Variants in EHMT2 observed in about 807,000 individuals in gnomAD.
The protein encoded by EHMT2 is euchromatic histone lysine methyltransferase 2.
EHMT2 carries 59 observed loss-of-function variants against 143.3 expected under a neutral mutation model. The observed-to-expected ratio is 0.41, with a 90% CI of 0.33 to 0.51. The LOEUF is 0.51. Among genes scored for constraint, EHMT2 ranks in the 20% least tolerant of loss-of-function variants. EHMT2 has a pLI of 0.18. For missense variants in EHMT2, 1,174 were observed against 1,645.9 expected (o/e 0.71, Z 4.96); for synonymous variants, 604 against 651.5 (o/e 0.93, Z 1.11).
chr6:31,897,328 C>G, intron 1 of EHMT2: 1 of 507,812 alleles, frequency 2.0e-6, no homozygotes, highest in East Asian at 3.6e-5. Flanking sequence ...CGGGCACCAA[C>G]CCCTCCAGCA....
Position 31,884,835 on chromosome 6 carries a change from C to T in EHMT2, c.2449-36G>A, listed in dbSNP as rs778766485. ...AGGAGGGGAACAGATGAGGTGCAGG[C>T]AGCTGGGCCCTTGAATCCAGCCTCC... On this transcript the variant is annotated intron_variant, in intron 19 of 27. Coordinates refer to ENST00000375537, the Ensembl canonical transcript of EHMT2. The surrounding 1 kb of genome is among the most constrained non-coding windows in gnomAD (Gnocchi z 7.3). 5 of 1,579,066 alleles carry T rather than the reference C, an allele frequency of 3.2e-6. No individual in the cohort carries two copies. Among genetic ancestry groups the T allele is most frequent in the Non-Finnish European group, 4.3e-6 (5 of 1,157,238 alleles).
At chr6:31,894,766 C>T (rs1766147734) in intron 4 of EHMT2, among the ~76,000 whole-genome samples, 1 of 152,036 alleles carries the variant, frequency 6.6e-6, no homozygotes, top group African/African-American at 2.4e-5. Context: ...CTCAGCCTCT[C>T]GACTAGCTGG....
chr6:31,883,648 G>T lies in EHMT2; in HGVS notation c.2916+158C>A. 1.7e-6 allele frequency: 2 copies of T among 1,178,710 alleles called. No individual in the cohort carries two copies. Among genetic ancestry groups the T allele is most frequent in the Non-Finnish European group, 2.4e-6 (2 of 820,690 alleles). The allele number at this position is 1,178,710 out of a possible 1,614,324, so 73.0% of individuals were successfully genotyped here. A position where few individuals can be genotyped will look rare whatever the true frequency, so the allele number is the denominator to read the frequency against. On this transcript the variant is annotated intron_variant, in intron 22 of 27. Coordinates refer to ENST00000375537, the Ensembl canonical transcript of EHMT2. This position sits in a 1 kb window ranked among gnomAD's most constrained non-coding sequence, Gnocchi z 5.6. Reference sequence around the variant, plus strand: ...CATATGATACCTTGCTGTGACCTAGGAAAAGGATCCCTCCCCTGGTGGGGA... The same window carrying T: ...CATATGATACCTTGCTGTGACCTAGTAAAAGGATCCCTCCCCTGGTGGGGA...
chr6:31,894,352 C>A (rs1379040519), intron 4 of EHMT2, among the ~76,000 whole-genome samples: 1 of 152,124 alleles, frequency 6.6e-6, no homozygotes, highest in Non-Finnish European at 1.5e-5. Context: ...TCACCATGTT[C>A]GTCCGGCTGG....
exon 3 of EHMT2, chr6:31,896,756 C>G (rs999024309): frequency 4.3e-6 from 7 of 1,612,926 alleles, no homozygotes; most frequent in African/African-American, 1.3e-5. Flanking sequence ...CCAGCAGGCT[C>G]CAGGGAGTCG....
chr6:31,895,433 G>A (rs1054049343), intron 4 of EHMT2: 2 of 149,722 alleles, frequency 1.3e-5, no homozygotes, highest in South Asian at 2.1e-4. Context: ...TAACTCCTAC[G>A]CAGTGTGCCC....
chr6:31,884,220 T>C lies in EHMT2; in HGVS notation c.2771+172A>G. 1.2e-6 allele frequency: 1 copy of C among 800,382 alleles called. No homozygotes were observed. The highest frequency in any genetic ancestry group is 1.9e-6 in the Non-Finnish European group (1 of 522,014). 49.6% of individuals were successfully genotyped at this position (800,382 alleles called of 1,614,324 possible). A position where few individuals can be genotyped will look rare whatever the true frequency, so the allele number is the denominator to read the frequency against. ...TCCAGTTTAACTGGGTGTCTTCTAT[T>C]TTTATTTGCTGTATCTGGCAACCCT... On this transcript the variant is annotated intron_variant, in intron 21 of 27. Coordinates refer to ENST00000375537, the Ensembl canonical transcript of EHMT2. The surrounding 1 kb of genome is among the most constrained non-coding windows in gnomAD (Gnocchi z 7.3).
Position 31,880,078 on chromosome 6 carries a change from C to T in EHMT2, c.*6G>A. Reference sequence around the variant, plus strand: ...CCATGCTGGGGAGAGAGGGTGTGGTCCGTTCTCATGTGTTGACAGGGGGCA... The same window carrying T: ...CCATGCTGGGGAGAGAGGGTGTGGTTCGTTCTCATGTGTTGACAGGGGGCA... On this transcript the variant is annotated 3_prime_UTR_variant, in exon 28 of 28. Transcript: ENST00000375537. The surrounding 1 kb of genome is among the most constrained non-coding windows in gnomAD (Gnocchi z 6.6). 5.0e-6 allele frequency: 8 copies of T among 1,611,052 alleles called. No homozygotes were observed. Among genetic ancestry groups the T allele is most frequent in the Non-Finnish European group, 6.8e-6 (8 of 1,179,156 alleles).
chr6:31,889,397 A>C lies in EHMT2; in HGVS notation c.1000-55T>G. The C allele has an allele frequency of 3.1e-6, 5 of 1,608,640 alleles. No homozygotes were observed. Among genetic ancestry groups the C allele is most frequent in the Non-Finnish European group, 3.4e-6 (4 of 1,177,990 alleles). On this transcript the variant is annotated intron_variant, in intron 8 of 27. Coordinates refer to ENST00000375537, the Ensembl canonical transcript of EHMT2. This position sits in a 1 kb window ranked among gnomAD's most constrained non-coding sequence, Gnocchi z 5.1. ...ACCCTCACCCCCAGGGGCCCCCCCA[A>C]CACCTTCAGGACCAGACCTCCAGCC...
chr6:31,887,158 G>C (rs1324255615), intron 15 of EHMT2, 57 bp from the exon 16 acceptor site: 63 of 1,438,996 alleles, frequency 4.4e-5, no homozygotes, highest in Non-Finnish European at 5.6e-5. Context: ...AGCAAGCTAG[G>C]GGGCAGGTGG....
At chr6:31,885,356 T>C (rs1764694706) in intron 18 of EHMT2, 1 of 189,658 alleles carries the variant, frequency 5.3e-6, no homozygotes, top group Admixed American at 5.5e-5. Flanking sequence ...CAGGCGCCTG[T>C]AGTCCCAGCT....
chr6:31,897,213 G>C (rs1457104564), intron 1 of EHMT2: 1 of 1,240,144 alleles, frequency 8.1e-7, no homozygotes, highest in South Asian at 3.7e-5. Context: ...CTCTGGGGCC[G>C]AGAGAAGAGG....
upstream of EHMT2, chr6:31,897,697 C>G: frequency 2.8e-6 from 3 of 1,060,902 alleles, no homozygotes; most frequent in East Asian, 1.2e-4. Context: ...CGCTGGGGGC[C>G]GAGCCGGCGC....
chr6:31,888,387 C>T lies in EHMT2; in HGVS notation c.1485G>A (p.Pro495=), dbSNP rs148652525. The change falls in exon 12 of 28, where the codon CCG becomes CCA. Residue 495 remains proline, a synonymous_variant. Coordinates refer to ENST00000375537, the Ensembl canonical transcript of EHMT2. The surrounding 1 kb of genome is among the most constrained non-coding windows in gnomAD (Gnocchi z 7.4). ...CCGCCGTGCAGAAGTAGCCGCAGCC[C>T]GGGCAGCAGTGGTGTTTGACCATGC... is the stretch of plus-strand genomic sequence containing the variant. 1.7e-4 allele frequency: 282 copies of T among 1,612,650 alleles called. No individual in the cohort carries two copies. The highest frequency in any genetic ancestry group is 2.3e-4 in the Non-Finnish European group (272 of 1,179,912).
Position 31,888,108 on chromosome 6 carries a change from T to C in EHMT2, c.1678A>G (p.Thr560Ala). The C allele has an allele frequency of 6.2e-7, 1 of 1,611,434 alleles. No homozygotes were observed. The highest frequency in any genetic ancestry group is 1.1e-5 in the South Asian group (1 of 90,956). ...AGGGGTGGGGGTGCAGGAGCTGCAG[T>C]GCCGGCCGGTGGGGTCACCCCGTCA... Residue 560 changes from threonine (T) to alanine (A), a missense_variant, in exon 13 of 28, where the codon ACT becomes GCT. Physicochemically the swap from Thr to Ala is moderately conservative, Grantham distance 58. Transcript: ENST00000375537. This position sits in a 1 kb window ranked among gnomAD's most constrained non-coding sequence, Gnocchi z 7.4.
Position 31,889,351 on chromosome 6 carries a change from G to T in EHMT2, c.1000-9C>A, listed in dbSNP as rs759316536. On this transcript the variant is annotated splice_polypyrimidine_tract_variant and intron_variant, in intron 8 of 27. Transcript: ENST00000375537. This position sits in a 1 kb window ranked among gnomAD's most constrained non-coding sequence, Gnocchi z 5.1. ...CGGCCACTGGAACCACTCTGGGAAG[G>T]GGGAGGAGGAGGAGTTAGGAACCCT... The T allele has an allele frequency of 1.2e-6, 2 of 1,611,564 alleles. No individual in the cohort carries two copies. Among genetic ancestry groups the T allele is most frequent in the Admixed American group, 1.7e-5 (1 of 59,932 alleles).
intron 4 of EHMT2, 167 bp downstream of exon 4, chr6:31,896,096 G>A (rs532489248): frequency 2.2e-6 from 2 of 905,270 alleles, no homozygotes; most frequent in Non-Finnish European, 3.2e-6. Context: ...AGGAAGAGAG[G>A]AACCTGTCTG....
exon 24 of EHMT2, chr6:31,882,962 A>G (rs147391445): frequency 5.3e-5 from 86 of 1,612,730 alleles, no homozygotes; most frequent in Non-Finnish European, 7.0e-5. Flanking sequence ...TACACTCGAA[A>G]ATCAGCGGAG....
intron 1 of EHMT2, chr6:31,897,205 C>T: frequency 8.0e-7 from 1 of 1,255,296 alleles, no homozygotes; most frequent in Non-Finnish European, 1.0e-6. Flanking sequence ...CCCCGCATCT[C>T]TGGGGCCGAG....
Sources: allele counts gnomAD v4.1 joint callset (sites outside exome capture counted in the v4.1 genomes callset), GRCh38; gene constraint gnomAD v4.1.1; non-coding constraint Gnocchi (gnomAD v3.1); transcripts MANE v1.5; gene names NCBI Gene and HGNC (gene_info 2026-07-23, HGNC 2026-07-21).